Variants in TUBGCP3 observed in about 807,000 individuals in gnomAD.
TUBGCP3 encodes gamma-tubulin complex component 3.
TUBGCP3 carries 50 observed loss-of-function variants against 123.1 expected under a neutral mutation model. The observed-to-expected ratio is 0.41, with a 90% CI of 0.32 to 0.51. TUBGCP3 has a LOEUF of 0.51. TUBGCP3 is among the 20% of genes least tolerant of loss of function. The pLI is 0.36. For missense variants in TUBGCP3, 882 were observed against 1,127.0 expected (o/e 0.78, Z 3.11); for synonymous variants, 405 against 413.9 (o/e 0.98, Z 0.26).
intron 1 of TUBGCP3, among the ~76,000 whole-genome samples, chr13:112,570,505 A>C (rs1317737424): frequency 6.7e-6 from 1 of 149,282 alleles, no homozygotes; most frequent in African/African-American, 2.4e-5. Flanking sequence ...AAAAAGAAAA[A>C]AACATATACA....
In TUBGCP3 at chr13:112,522,232, C is replaced by A. The variant is rs1876685419; in HGVS notation, c.1745+88G>T. ...ATGCTCGAAGAATTCAACTCATTTT[C>A]TTTTAATATAATTTATTCTTTTAAA... On this transcript the variant is annotated intron_variant, in intron 14 of 21. Transcript: ENST00000261965. The A allele has an allele frequency of 3.5e-6, 4 of 1,142,198 alleles. No homozygotes were observed. The East Asian group carries it at 1.1e-4, about 31-fold the overall frequency. The allele number at this position is 1,142,198 out of a possible 1,614,324, so 70.8% of individuals were successfully genotyped here.
At chr13:112,493,483 G>C (rs1176231811) in intron 20 of TUBGCP3, among the ~76,000 whole-genome samples, 1 of 147,348 alleles carries the variant, frequency 6.8e-6, no homozygotes, top group African/African-American at 2.5e-5. Flanking sequence ...ACAGGGCCTG[G>C]TGTCCCTGAG....
chr13:112,554,786 C>CA (rs1879886874), intron 7 of TUBGCP3, 101 bp downstream of exon 7: 4 of 802,306 alleles, frequency 5.0e-6, no homozygotes, highest in Non-Finnish European at 2.0e-6. Flanking sequence ...AACCGATTCG[C>CA]AAAACCCCAG....
chr13:112,512,357 G>A (rs533500284), intron 17 of TUBGCP3, among the ~76,000 whole-genome samples: 1 of 151,592 alleles, frequency 6.6e-6, no homozygotes, highest in Non-Finnish European at 1.5e-5. Flanking sequence ...GATCCTGGGA[G>A]GCGGAGGTTG....
chr13:112,571,550 G>A (rs1055899254), intron 1 of TUBGCP3, among the ~76,000 whole-genome samples: 1 of 152,178 alleles, frequency 6.6e-6, no homozygotes, highest in Admixed American at 6.5e-5. Context: ...AATGGTCAAC[G>A]AGCACTGGCT....
the TUBGCP3 span, chr13:112,605,073 G>A: frequency 1.3e-4 from 20 of 152,296 alleles, no homozygotes; most frequent in Admixed American, 6.5e-4. Flanking sequence ...TTGGAAGGCC[G>A]AGGCGGGCAG....
intron 1 of TUBGCP3, among the ~76,000 whole-genome samples, chr13:112,573,275 G>C (rs1881555118): frequency 1.3e-5 from 2 of 151,712 alleles, no homozygotes; most frequent in Admixed American, 1.3e-4. Context: ...TATGAAGGCA[G>C]ATGTTTTTTA....
At chr13:112,505,140 A>G (rs1881206162) in intron 17 of TUBGCP3, among the ~76,000 whole-genome samples, 1 of 152,166 alleles carries the variant, frequency 6.6e-6, no homozygotes, top group African/African-American at 2.4e-5. Context: ...TAAGGAACCG[A>G]CTGTGGCCTT....
At chr13:112,567,858 G>A (rs1315766935) in intron 2 of TUBGCP3, among the ~76,000 whole-genome samples, 1 of 152,234 alleles carries the variant, frequency 6.6e-6, no homozygotes, top group Non-Finnish European at 1.5e-5. Context: ...GGAAAACTGT[G>A]CCACGCAGGA....
At position 112,554,172 on chromosome 13, in the gene TUBGCP3, C is replaced by T. The variant is rs1465989955; in HGVS notation, c.851G>A (p.Ser284Asn). Residue 284 changes from serine to asparagine, a missense_variant, in exon 8 of 22, where the codon AGT becomes AAT. Physicochemically the swap from Ser to Asn is conservative, Grantham distance 46. Transcript: ENST00000261965. Reference protein sequence around the residue: ...CYKVEGKANLSRSLRDTAVRL... With the variant: ...CYKVEGKANLNRSLRDTAVRL... ...GACTGCTGTGTCTCTCAAAGACCTACTTAGATTTGCCTAAAAAGTAAATAC... is the reference window on the plus strand; with the variant it reads ...GACTGCTGTGTCTCTCAAAGACCTATTTAGATTTGCCTAAAAAGTAAATAC... The T allele has an allele frequency of 1.2e-6, 2 of 1,613,452 alleles. No homozygotes were observed. The highest frequency in any genetic ancestry group is 3.3e-5 in the Admixed American group (2 of 59,822).
chr13:112,547,942 C>T (rs1387451117), intron 9 of TUBGCP3, among the ~76,000 whole-genome samples, 166 bp downstream of exon 9: 2 of 152,048 alleles, frequency 1.3e-5, no homozygotes, highest in African/African-American at 4.8e-5. Context: ...AATTAACTGG[C>T]TCTAGGATAC....
At chr13:112,552,552 G>A (rs988598435) in intron 8 of TUBGCP3, among the ~76,000 whole-genome samples, 4 of 152,320 alleles carry the variant, frequency 2.6e-5, no homozygotes, top group Admixed American at 1.3e-4. Context: ...ATCTTTATAC[G>A]CATTCTCTCC....
intron 11 of TUBGCP3, among the ~76,000 whole-genome samples, chr13:112,534,499 A>G (rs1294764408): frequency 1.3e-5 from 2 of 152,100 alleles, no homozygotes; most frequent in Admixed American, 6.5e-5. Flanking sequence ...GTGAGTCGAG[A>G]TCGCACCACT....
rs1272938033 is a variant in TUBGCP3 at position 112,511,630 on chromosome 13, T to C, written c.2086+4810A>G. Among the ~76,000 whole-genome samples the C allele has an allele frequency of 6.6e-6, 1 of 151,894 alleles. No individual in the cohort carries two copies. The highest frequency in any genetic ancestry group is 2.4e-5 in the African/African-American group (1 of 41,276). On this transcript the variant is annotated intron_variant, in intron 17 of 21. Coordinates refer to ENST00000261965, the MANE Select transcript of TUBGCP3 (RefSeq NM_006322.6). The surrounding 1 kb of genome is among the most constrained non-coding windows in gnomAD (Gnocchi z 4.1). ...AGACACATTGAGAACATGAAAGCAA[T>C]GTGTATCTTAGAAGTGATACAATAT...
intron 13 of TUBGCP3, among the ~76,000 whole-genome samples, chr13:112,523,109 G>C (rs1319801068): frequency 6.6e-6 from 1 of 152,116 alleles, no homozygotes; most frequent in Non-Finnish European, 1.5e-5. Flanking sequence ...ACATAACAGA[G>C]CTTCTTACAG....
At chr13:112,561,616 C>T (rs1192784485) in intron 3 of TUBGCP3, among the ~76,000 whole-genome samples, 3 of 152,122 alleles carry the variant, frequency 2.0e-5, no homozygotes, top group African/African-American at 4.8e-5. Flanking sequence ...GAGCAGGCAG[C>T]GTGCGGGTGG....
intron 1 of TUBGCP3, among the ~76,000 whole-genome samples, chr13:112,587,560 G>T (rs1039692182): frequency 1.3e-5 from 2 of 152,220 alleles, no homozygotes; most frequent in African/African-American, 2.4e-5. Flanking sequence ...CATTCCTCCC[G>T]TCCTCACTGA....
At chr13:112,558,455 A>T in intron 4 of TUBGCP3, 42 bp from the exon 5 acceptor site, 1 of 1,468,946 alleles carries the variant, frequency 6.8e-7, no homozygotes, top group Non-Finnish European at 9.1e-7. Flanking sequence ...AGGAAATTAC[A>T]GAACAGTCTT....
intron 13 of TUBGCP3, among the ~76,000 whole-genome samples, chr13:112,526,046 T>C (rs1012597008): frequency 2.0e-5 from 3 of 152,120 alleles, no homozygotes; most frequent in Admixed American, 6.6e-5. Flanking sequence ...CACATCATCA[T>C]CACCTCCACT....
Sources: allele counts gnomAD v4.1 joint callset (sites outside exome capture counted in the v4.1 genomes callset), GRCh38; gene constraint gnomAD v4.1.1; non-coding constraint Gnocchi (gnomAD v3.1); transcripts MANE v1.5; gene names NCBI Gene and HGNC (gene_info 2026-07-23, HGNC 2026-07-21).